SIPA1L1: variants seen among roughly 807,000 people sequenced by gnomAD.
SIPA1L1 encodes the protein signal-induced proliferation-associated 1-like protein 1.
A neutral mutation model predicts 162.7 loss-of-function variants in SIPA1L1; 26 were observed. The ratio of observed to expected loss-of-function variants is 0.16; its 90% confidence interval spans 0.12 to 0.22. The LOEUF (loss-of-function observed/expected upper bound fraction) is 0.22, where lower values mean the gene tolerates loss of function less well. SIPA1L1 is among the 10% of genes least tolerant of loss of function. The pLI is 1.00. For synonymous variants in SIPA1L1, 829 were observed against 837.4 expected (o/e 0.99, Z 0.17); for missense variants, 1,874 against 2,241.0 (o/e 0.84, Z 3.31).
intron 7 of SIPA1L1, among the ~76,000 whole-genome samples, chr14:71,631,387 G>A (rs2040556877): frequency 6.6e-6 from 1 of 152,034 alleles, no homozygotes; most frequent in South Asian, 2.1e-4. Context: ...TTGTACTGCT[G>A]TGCCATAGTT....
intron 4 of SIPA1L1, among the ~76,000 whole-genome samples, chr14:71,580,479 A>G (rs2033767331): frequency 6.6e-6 from 1 of 152,238 alleles, no homozygotes; most frequent in South Asian, 2.1e-4. Flanking sequence ...TTATGTCAAT[A>G]TTAAATATAA....
At chr14:71,336,552 A>G (rs79336050) in intron 2 of SIPA1L1, among the ~76,000 whole-genome samples, 1,643 of 152,314 alleles carry the variant, frequency 0.011, 31 homozygotes, top group African/African-American at 0.038. Flanking sequence ...GTAATGTTAC[A>G]GATTTAAGGA....
At chr14:71,477,288 A>G (rs768726010) in intron 2 of SIPA1L1, among the ~76,000 whole-genome samples, 2 of 152,124 alleles carry the variant, frequency 1.3e-5, no homozygotes, top group Non-Finnish European at 2.9e-5. Context: ...CTTTTATGTT[A>G]TACTGTCTCC....
intron 15 of SIPA1L1, among the ~76,000 whole-genome samples, chr14:71,704,042 T>G (rs2082276546): frequency 6.6e-6 from 1 of 152,270 alleles, no homozygotes; most frequent in Admixed American, 6.5e-5. Context: ...CAAAGAAGCC[T>G]TTTCACTACA....
chr14:71,633,408 A>C (rs545757255), intron 7 of SIPA1L1, among the ~76,000 whole-genome samples: 1 of 152,222 alleles, frequency 6.6e-6, no homozygotes, highest in Admixed American at 6.5e-5. Context: ...TCTTGACCTC[A>C]TGATCCTCCT....
chr14:71,644,245 T>G (rs1237590791), intron 7 of SIPA1L1, among the ~76,000 whole-genome samples: 4 of 152,132 alleles, frequency 2.6e-5, no homozygotes, highest in African/African-American at 9.7e-5. Flanking sequence ...TTCTTTAATT[T>G]TTTTTGAGAC....
intron 2 of SIPA1L1, among the ~76,000 whole-genome samples, chr14:71,414,368 G>A (rs2042610986): frequency 6.6e-6 from 1 of 152,038 alleles, no homozygotes; most frequent in African/African-American, 2.4e-5. Flanking sequence ...GACAGGGCGA[G>A]ACTCCATCTC....
chr14:71,670,187 A>G (rs186654600), intron 10 of SIPA1L1, among the ~76,000 whole-genome samples: 1 of 152,198 alleles, frequency 6.6e-6, no homozygotes, highest in Non-Finnish European at 1.5e-5. Flanking sequence ...GATATAAAAC[A>G]CTCAACCTCT....
intron 2 of SIPA1L1, among the ~76,000 whole-genome samples, chr14:71,403,448 A>T (rs1025788377): frequency 2.0e-5 from 3 of 151,968 alleles, no homozygotes; most frequent in African/African-American, 7.3e-5. Context: ...AAATACAAAA[A>T]AATTAGCTGG....
At chr14:71,360,235 G>A (rs145503784) in intron 2 of SIPA1L1, among the ~76,000 whole-genome samples, 2 of 152,288 alleles carry the variant, frequency 1.3e-5, no homozygotes, top group Non-Finnish European at 2.9e-5. Flanking sequence ...GTTCTAGGGC[G>A]TAAGGTAGTT....
At position 71,440,631 on chromosome 14, in the gene SIPA1L1, A is replaced by C. The variant is rs181601748; in HGVS notation, c.-464-72112A>C. Among the ~76,000 whole-genome samples the C allele has an allele frequency of 2.1e-3, 267 of 128,184 alleles. 2 individuals are homozygous for C. The highest frequency in any genetic ancestry group is 2.3e-3 in the Non-Finnish European group (143 of 62,368). The allele number at this position is 128,184 out of a possible 152,430, so 84.1% of individuals were successfully genotyped here. A position where few individuals can be genotyped will look rare whatever the true frequency, so the allele number is the denominator to read the frequency against. On this transcript the variant is annotated intron_variant, in intron 2 of 23. Transcript: ENST00000381232. ...ACCACTGCACTTCAGCTTGGGTGAC[A>C]GTGAGAACCCATCTCAAAAAAAAAA...
chr14:71,564,098 C>G (rs567445283), intron 4 of SIPA1L1, among the ~76,000 whole-genome samples: 1 of 152,158 alleles, frequency 6.6e-6, no homozygotes, highest in Admixed American at 6.5e-5. Flanking sequence ...AGGCGTGTAC[C>G]AGCATGCCTG....
intron 2 of SIPA1L1, among the ~76,000 whole-genome samples, chr14:71,349,168 A>G (rs2036457194): frequency 6.6e-6 from 1 of 152,232 alleles, no homozygotes; most frequent in South Asian, 2.1e-4. Flanking sequence ...TTGATGGAGA[A>G]TCATGGCCAT....
chr14:71,681,619 A>G (rs2045815431), intron 12 of SIPA1L1, among the ~76,000 whole-genome samples: 1 of 152,112 alleles, frequency 6.6e-6, no homozygotes, highest in Non-Finnish European at 1.5e-5. Context: ...CAGATCTCTC[A>G]TTTTTCAGAG....
At chr14:71,661,841 T>A (rs1012503901) in intron 10 of SIPA1L1, among the ~76,000 whole-genome samples, 1 of 152,224 alleles carries the variant, frequency 6.6e-6, no homozygotes, top group Non-Finnish European at 1.5e-5. Flanking sequence ...TTGAAAAGCA[T>A]TGTTATTAAA....
intron 2 of SIPA1L1, chr14:71,330,297 G>A (rs1160911616): frequency 2.7e-6 from 2 of 747,496 alleles, no homozygotes; most frequent in South Asian, 1.4e-5. Flanking sequence ...TTAGCATGTT[G>A]TGGGAGAGTC....
In SIPA1L1 at chr14:71,724,824, A is replaced by G. The variant is rs1566741329; in HGVS notation, c.4603A>G (p.Lys1535Glu). ...TGAAAGCCCAACTCCTGAATCACAG[A>G]AGAGTTTTAAGGTACAAGACAGAGC... ...DLESPTPESQKSFKFHALSSP... is the reference protein window; with the variant it reads ...DLESPTPESQESFKFHALSSP... The change falls in exon 19 of 24, where the codon AAG (lysine) becomes GAG (glutamate). Residue 1535 changes from lysine to glutamate, a missense_variant. Lys to Glu is a moderately conservative substitution (Grantham distance 56). This residue lies in a region of SIPA1L1 where 936 missense variants were observed against 1,051.9 expected (regional missense o/e 0.89). Transcript: ENST00000381232. The G allele has an allele frequency of 1.2e-6, 2 of 1,614,144 alleles. No homozygotes were observed. Among genetic ancestry groups the G allele is most frequent in the South Asian group, 2.2e-5 (2 of 91,078 alleles).
intron 2 of SIPA1L1, among the ~76,000 whole-genome samples, chr14:71,509,109 AACGAGTT>A (rs1290324573): frequency 1.3e-5 from 2 of 152,142 alleles, no homozygotes; most frequent in Non-Finnish European, 2.9e-5. Flanking sequence ...TCTTACTTGT[AACGAGTT>A]ACAGTTCTCT....
intron 17 of SIPA1L1, among the ~76,000 whole-genome samples, chr14:71,720,237 G>T (rs539483182): frequency 6.6e-6 from 1 of 152,158 alleles, no homozygotes; most frequent in African/African-American, 2.4e-5. Context: ...TTTGTGCCCC[G>T]ATCTCCTTCT....
Sources: allele counts gnomAD v4.1 joint callset (sites outside exome capture counted in the v4.1 genomes callset), GRCh38; gene constraint gnomAD v4.1.1; regional missense constraint gnomAD v4.1.1; transcripts MANE v1.5; gene names NCBI Gene and HGNC (gene_info 2026-07-23, HGNC 2026-07-21).